The following RAD50 variants were observed in gnomAD, a reference collection of about 807,000 sequenced individuals.
RAD50 encodes the protein RAD50 double strand break repair protein.
A neutral mutation model predicts 168.8 loss-of-function variants in RAD50; 132 were observed. The ratio of observed to expected loss-of-function variants is 0.78; its 90% confidence interval spans 0.68 to 0.90. The LOEUF (loss-of-function observed/expected upper bound fraction) is 0.90. Among genes scored for constraint, RAD50 ranks in the 40% least tolerant of loss-of-function variants. The probability of loss-of-function intolerance (pLI) is 0.00; values close to 1 mark genes in which losing one functional copy is unlikely to be tolerated. For missense variants in RAD50, 1,347 were observed against 1,534.4 expected, an observed-to-expected ratio of 0.88 and a Z score of 2.04; for synonymous variants, 525 against 497.4, an observed-to-expected ratio of 1.06 and a Z score of -0.74.
intron 2 of RAD50, among the ~76,000 whole-genome samples, chr5:132,573,679 C>T (rs1448624924): frequency 6.6e-6 from 1 of 152,216 alleles, no homozygotes; most frequent in Non-Finnish European, 1.5e-5. Flanking sequence ...TAAGGCAAGT[C>T]CCTTCTGCCT....
chr5:132,575,319 C>T (rs934556678), intron 2 of RAD50, among the ~76,000 whole-genome samples: 1 of 152,136 alleles, frequency 6.6e-6, no homozygotes, highest in Non-Finnish European at 1.5e-5. Flanking sequence ...CATCAGGTCT[C>T]GTGAGACTTA....
intron 11 of RAD50, among the ~76,000 whole-genome samples, chr5:132,593,826 C>T (rs898125092): frequency 5.9e-5 from 9 of 152,140 alleles, no homozygotes; most frequent in African/African-American, 2.2e-4. Context: ...CTGGGAAGCA[C>T]AAACATTTAA....
chr5:132,638,940 CAGA>C lies in RAD50; in HGVS notation c.3618+721_3618+723del, dbSNP rs1277447299. Reference sequence around the variant, plus strand: ...TGAGCTTTCTGCTTTCAGATCAAGGCAGAAGATTACACTTGATAACACCTCTAG... The same window carrying C: ...TGAGCTTTCTGCTTTCAGATCAAGGCAGATTACACTTGATAACACCTCTAG... On this transcript the variant is annotated intron_variant, in intron 23 of 24. Transcript: ENST00000378823. Among the ~76,000 whole-genome samples, 5 of 152,318 alleles carry C rather than the reference CAGA, an allele frequency of 3.3e-5. No individual in the cohort carries two copies. In the East Asian group the frequency reaches 5.8e-4, roughly 18 times the overall value.
At chr5:132,573,812 G>A (rs2522416) in intron 2 of RAD50, among the ~76,000 whole-genome samples, 9,209 of 152,250 alleles carry the variant, frequency 0.06, 832 homozygotes, top group African/African-American at 0.2. Flanking sequence ...TACAGGCCCC[G>A]TGCAAGTCCG....
At position 132,642,593 on chromosome 5, in the gene RAD50, C is replaced by A; in HGVS notation, c.*229C>A. 1 of 568,370 alleles carries A rather than the reference C, an allele frequency of 1.8e-6. No individual in the cohort carries two copies. Among genetic ancestry groups the A allele is most frequent in the Non-Finnish European group, 3.1e-6 (1 of 322,160 alleles). The allele number at this position is 568,370 out of a possible 1,614,324, so 35.2% of individuals were successfully genotyped here. A position where few individuals can be genotyped will look rare whatever the true frequency, so the allele number is the denominator to read the frequency against. ...TGCTCTTCATCCCATTCCAGGCAGC[C>A]TCTGTCAGGCCTTCAGGGTTCAGCA... On this transcript the variant is annotated 3_prime_UTR_variant, in exon 25 of 25. Transcript: ENST00000378823.
At chr5:132,590,274 T>C (rs563747887) in intron 9 of RAD50, among the ~76,000 whole-genome samples, 1 of 152,212 alleles carries the variant, frequency 6.6e-6, no homozygotes, top group African/African-American at 2.4e-5. Context: ...GTTCAAGACC[T>C]GTCCAGCCAA....
At chr5:132,570,222 T>C (rs1329276566) in intron 2 of RAD50, among the ~76,000 whole-genome samples, 3 of 152,014 alleles carry the variant, frequency 2.0e-5, no homozygotes, top group Admixed American at 2.0e-4. Context: ...TGGTGGGGGA[T>C]TGGAGCCCAA....
At chr5:132,628,862 A>G (rs1023777001) in intron 21 of RAD50, among the ~76,000 whole-genome samples, 23 of 152,230 alleles carry the variant, frequency 1.5e-4, no homozygotes, top group Admixed American at 6.5e-4. Flanking sequence ...AAAAAAAAGA[A>G]AAAGAAATGG....
intron 24 of RAD50, 76 bp downstream of exon 24, chr5:132,640,881 C>A: frequency 6.2e-7 from 1 of 1,600,496 alleles, no homozygotes; most frequent in Middle Eastern, 1.7e-4. Flanking sequence ...TTCTTCAAAA[C>A]CAAGAGAGTT....
intron 2 of RAD50, among the ~76,000 whole-genome samples, chr5:132,568,057 TTTTTTTAAA>T (rs1750237868): frequency 6.6e-6 from 1 of 151,932 alleles, no homozygotes; most frequent in African/African-American, 2.4e-5. Context: ...GACAAGGATT[TTTTTTTAAA>T]TTTTTTTTAA....
In RAD50 at chr5:132,645,602, A is replaced by C. The variant is rs2149869041; in HGVS notation, c.*3238A>C. The C allele has an allele frequency of 6.6e-6, 1 of 152,346 alleles. No homozygotes were observed. The highest frequency in any genetic ancestry group is 3.4e-3 in the Middle Eastern group (1 of 294). The allele number at this position is 152,346 out of a possible 1,614,324, so 9.4% of individuals were successfully genotyped here. A position where few individuals can be genotyped will look rare whatever the true frequency, so the allele number is the denominator to read the frequency against. On this transcript the variant is annotated 3_prime_UTR_variant, in exon 25 of 25. Transcript: ENST00000378823. The stretch of plus-strand genomic sequence containing the variant: ...GTAAAACAATGCTTCACGTGAAAGT[A>C]ATCAGTAGGAAATTGGGGAAATTGT...
chr5:132,583,618 T>C (rs1288831943), intron 5 of RAD50, among the ~76,000 whole-genome samples: 1 of 152,088 alleles, frequency 6.6e-6, no homozygotes, highest in Non-Finnish European at 1.5e-5. Flanking sequence ...GGCACATATA[T>C]AGAATCATAC....
rs1294575478 is a variant in RAD50, at chr5:132,643,986, A to G, written c.*1622A>G. Reference sequence around the variant, plus strand: ...CAGTTTTGCAAATAATATTTTCTTAATGTTATCTGTTGCTAAATCAAAATT... The same window carrying G: ...CAGTTTTGCAAATAATATTTTCTTAGTGTTATCTGTTGCTAAATCAAAATT... On this transcript the variant is annotated 3_prime_UTR_variant, in exon 25 of 25. Coordinates refer to ENST00000378823, the MANE Select transcript of RAD50 (RefSeq NM_005732.4). 4.4e-6 allele frequency: 1 copy of G among 225,668 alleles called. No individual in the cohort carries two copies. The highest frequency in any genetic ancestry group is 2.2e-5 in the African/African-American group (1 of 45,020). The allele number at this position is 225,668 out of a possible 1,614,324, so 14.0% of individuals were successfully genotyped here.
chr5:132,573,938 A>T (rs539194912), intron 2 of RAD50, among the ~76,000 whole-genome samples: 28 of 152,310 alleles, frequency 1.8e-4, no homozygotes, highest in African/African-American at 6.5e-4. Flanking sequence ...GGGCAGCTCC[A>T]CTTCTGGCTT....
chr5:132,637,201 G>A lies in RAD50; in HGVS notation c.3475+1G>A, dbSNP rs1443728958. 1 of 1,610,612 alleles carries A rather than the reference G, an allele frequency of 6.2e-7. No homozygotes were observed. The highest frequency in any genetic ancestry group is 8.5e-7 in the Non-Finnish European group (1 of 1,177,928). Reference sequence around the variant, plus strand: ...TGGCGAAGTACCTATCGTGGACAAGGTGAGTACCATGGTGTATCACAAATG... The same window carrying A: ...TGGCGAAGTACCTATCGTGGACAAGATGAGTACCATGGTGTATCACAAATG... On this transcript the variant is annotated splice_donor_variant, in intron 22 of 24. Coordinates refer to ENST00000378823, the MANE Select transcript of RAD50 (RefSeq NM_005732.4). LOFTEE classifies it high-confidence loss of function.
At chr5:132,608,578 A>T in intron 16 of RAD50, 37 bp from the exon 17 acceptor site, 1 of 1,458,212 alleles carries the variant, frequency 6.9e-7, no homozygotes, top group Middle Eastern at 2.4e-4. Flanking sequence ...AAGATAATGG[A>T]ATATTATATA....
At chr5:132,580,201 T>G in intron 5 of RAD50, 135 bp downstream of exon 5, 1 of 699,874 alleles carries the variant, frequency 1.4e-6, no homozygotes, top group Non-Finnish European at 2.4e-6. Flanking sequence ...TTTTTTATGG[T>G]GAGAACACTT....
At chr5:132,626,260 G>C (rs1357628279) in intron 21 of RAD50, among the ~76,000 whole-genome samples, 2 of 152,070 alleles carry the variant, frequency 1.3e-5, no homozygotes, top group Non-Finnish European at 2.9e-5. Context: ...AATAAATATG[G>C]GAGTGCAGAT....
chr5:132,585,663 G>A (rs1222550425), intron 5 of RAD50, among the ~76,000 whole-genome samples: 2 of 149,242 alleles, frequency 1.3e-5, no homozygotes, highest in Non-Finnish European at 3.0e-5. Flanking sequence ...GAGTGCAGTG[G>A]TGTGATCTTG....
Sources: allele counts gnomAD v4.1 joint callset (sites outside exome capture counted in the v4.1 genomes callset), GRCh38; gene constraint gnomAD v4.1.1; transcripts MANE v1.5; gene names NCBI Gene and HGNC (gene_info 2026-07-23, HGNC 2026-07-21).